Variants in DOK5 observed in about 807,000 individuals in gnomAD.
DOK5 encodes downstream of tyrosine kinase 5.
DOK5 carries 27 observed loss-of-function variants against 43.3 expected under a neutral mutation model. The ratio of observed to expected loss-of-function variants is 0.62; its 90% CI spans 0.46 to 0.86. The LOEUF (loss-of-function observed/expected upper bound fraction) is 0.86, where lower values mean the gene tolerates loss of function less well. Among genes scored for constraint, DOK5 ranks in the 40% least tolerant of loss-of-function variants. DOK5 has a pLI of 0.00. For missense variants in DOK5, 373 were observed against 392.9 expected (o/e 0.95, Z 0.43); for synonymous variants, 146 against 140.1 (o/e 1.04, Z -0.30).
chr20:54,604,528 C>T (rs1386979932), intron 5 of DOK5, among the ~76,000 whole-genome samples: 1 of 151,742 alleles, frequency 6.6e-6, no homozygotes, highest in African/African-American at 2.4e-5. Flanking sequence ...CAAATTAATT[C>T]TCAGCTCCTC....
intron 1 of DOK5, among the ~76,000 whole-genome samples, chr20:54,520,091 G>A (rs985292158): frequency 2.0e-5 from 3 of 151,998 alleles, no homozygotes; most frequent in African/African-American, 7.3e-5. Context: ...CCACATCCTT[G>A]CCACAGTTGA....
chr20:54,483,706 C>T (rs1208588497), intron 1 of DOK5, among the ~76,000 whole-genome samples: 1 of 152,106 alleles, frequency 6.6e-6, no homozygotes, highest in Non-Finnish European at 1.5e-5. Flanking sequence ...CCCCCCCGTT[C>T]CTGTGAAATT....
At chr20:54,601,269 A>G (rs766425652) in intron 5 of DOK5, among the ~76,000 whole-genome samples, 1 of 152,240 alleles carries the variant, frequency 6.6e-6, no homozygotes, top group Non-Finnish European at 1.5e-5. Flanking sequence ...GTCAGAGATT[A>G]GTAAAGCTAC....
At chr20:54,643,977 C>T (rs986161638) in intron 7 of DOK5, among the ~76,000 whole-genome samples, 1 of 152,182 alleles carries the variant, frequency 6.6e-6, no homozygotes, top group Admixed American at 6.5e-5. Flanking sequence ...ATCAGCATTA[C>T]TTGAAGTCTT....
chr20:54,644,705 CA>C (rs71196460), intron 7 of DOK5, among the ~76,000 whole-genome samples: 9 of 15,236 alleles, frequency 5.9e-4, no homozygotes, highest in Admixed American at 1.0e-3. Context: ...GACTCCGTCT[CA>C]AAAAAAAAAA....
At chr20:54,606,384 A>T (rs758667731) in intron 5 of DOK5, among the ~76,000 whole-genome samples, 5 of 152,146 alleles carry the variant, frequency 3.3e-5, no homozygotes, top group Non-Finnish European at 7.3e-5. Context: ...CAGGGTAAAA[A>T]TCAATGGGTA....
intron 1 of DOK5, among the ~76,000 whole-genome samples, 161 bp from the exon 2 acceptor site, chr20:54,554,772 G>A (rs115123974): frequency 3.3e-5 from 5 of 152,096 alleles, no homozygotes; most frequent in Non-Finnish European, 4.4e-5. Flanking sequence ...TAATATGCCC[G>A]TTGTGGAAAC....
intron 6 of DOK5, among the ~76,000 whole-genome samples, chr20:54,635,834 ATTTG>A (rs1246579750): frequency 6.6e-6 from 1 of 152,054 alleles, no homozygotes; most frequent in East Asian, 1.9e-4. Context: ...CTCTCTAGGG[ATTTG>A]TTTATTTGGG....
At chr20:54,649,338 C>T (rs1979590445) in intron 7 of DOK5, among the ~76,000 whole-genome samples, 1 of 152,132 alleles carries the variant, frequency 6.6e-6, no homozygotes, top group African/African-American at 2.4e-5. Flanking sequence ...GGGAGGATCA[C>T]CTGAGCTCAA....
intron 4 of DOK5, among the ~76,000 whole-genome samples, chr20:54,589,484 T>G (rs575077657): frequency 6.6e-6 from 1 of 152,292 alleles, no homozygotes; most frequent in African/African-American, 2.4e-5. Flanking sequence ...TAATAATGAC[T>G]AAAATATTCA....
chr20:54,643,214 G>A (rs1979208179), intron 6 of DOK5, among the ~76,000 whole-genome samples: 1 of 152,222 alleles, frequency 6.6e-6, no homozygotes, highest in Non-Finnish European at 1.5e-5. Flanking sequence ...ACTTAGCTGG[G>A]TTGGAGGGAA....
chr20:54,510,100 G>C (rs112700642), intron 1 of DOK5, among the ~76,000 whole-genome samples: 4,137 of 152,032 alleles, frequency 0.027, 178 homozygotes, highest in African/African-American at 0.095. Context: ...CACATGTACC[G>C]CAGAACTAAA....
At chr20:54,589,108 C>T (rs1249018630) in intron 4 of DOK5, among the ~76,000 whole-genome samples, 1 of 152,174 alleles carries the variant, frequency 6.6e-6, no homozygotes, top group East Asian at 1.9e-4. Context: ...TTGTACTTTT[C>T]ATAGCAGCCC....
chr20:54,610,455 G>A lies in DOK5; in HGVS notation c.667G>A (p.Val223Ile). Residue 223 changes from valine to isoleucine, a missense_variant, in exon 6 of 8, where the codon GTC becomes ATC. By Grantham distance (29) the Val-to-Ile change is conservative. Transcript: ENST00000262593. ...TRDGEAIYQK[V>I]HSAALAIAEQ... ...AGACGGGGAGGCCATCTATCAGAAA[G>A]TCCACTCTGCTGCCTTGGCCATAGC... 5.6e-6 allele frequency: 9 copies of A among 1,595,600 alleles called. No homozygotes were observed. Among genetic ancestry groups the A allele is most frequent in the Non-Finnish European group, 7.7e-6 (9 of 1,170,988 alleles).
At position 54,478,320 on chromosome 20, in the gene DOK5, A is replaced by G. The variant is rs143797545; in HGVS notation, c.66+2308A>G. Among the ~76,000 whole-genome samples, 187 of 152,334 alleles carry G rather than the reference A, an allele frequency of 1.2e-3. 2 individuals are homozygous for G. The East Asian group carries it at 0.025, about 21-fold the overall frequency. On this transcript the variant is annotated intron_variant, in intron 1 of 7. Transcript: ENST00000262593. The stretch of plus-strand genomic sequence containing the variant: ...TGTACGGAATTGGCATGGGGACCCT[A>G]TGTCCACAGTAAGGAATGTTAGCGG...
At chr20:54,561,420 A>G (rs62214425) in intron 2 of DOK5, among the ~76,000 whole-genome samples, 36,908 of 152,000 alleles carry the variant, frequency 0.24, 6,950 homozygotes, top group African/African-American at 0.53. Context: ...GAAGACACAT[A>G]CCCTTCTTCG....
At chr20:54,603,905 G>C (rs1433025937) in intron 5 of DOK5, among the ~76,000 whole-genome samples, 1 of 151,688 alleles carries the variant, frequency 6.6e-6, no homozygotes, top group Non-Finnish European at 1.5e-5. Flanking sequence ...CTCAGGGGGA[G>C]GGGGAGGGGA....
At chr20:54,510,152 C>T (rs1176248632) in intron 1 of DOK5, among the ~76,000 whole-genome samples, 1 of 152,016 alleles carries the variant, frequency 6.6e-6, no homozygotes, top group East Asian at 1.9e-4. Context: ...TTTTTGTTTG[C>T]ATTCTTTATT....
intron 6 of DOK5, among the ~76,000 whole-genome samples, chr20:54,626,928 CT>C (rs1378832830): frequency 6.6e-6 from 1 of 152,194 alleles, no homozygotes; most frequent in Non-Finnish European, 1.5e-5. Flanking sequence ...TACATCCTCC[CT>C]GTTCATTTAT....
Sources: allele counts gnomAD v4.1 joint callset (sites outside exome capture counted in the v4.1 genomes callset), GRCh38; gene constraint gnomAD v4.1.1; transcripts MANE v1.5; gene names NCBI Gene and HGNC (gene_info 2026-07-23, HGNC 2026-07-21).